The following PXDNL variants were observed in gnomAD, a reference collection of about 807,000 sequenced individuals.
PXDNL encodes probable oxidoreductase PXDNL.
In PXDNL, 145 loss-of-function variants were observed where a neutral mutation model predicts 150.8. The ratio of observed to expected loss-of-function variants is 0.96; its 90% confidence interval spans 0.84 to 1.10. The LOEUF is 1.10. Ranked by LOEUF, PXDNL falls within the 50% of genes least tolerant of loss-of-function variation. The probability of loss-of-function intolerance (pLI) is 0.00; values close to 1 mark genes in which losing one functional copy is unlikely to be tolerated. For synonymous variants in PXDNL, 757 were observed against 725.7 expected (o/e 1.04, Z -0.69); for missense variants, 2,087 against 1,873.9 (o/e 1.11, Z -2.10).
intron 1 of PXDNL, among the ~76,000 whole-genome samples, chr8:51,668,038 A>C (rs1815421857): frequency 6.6e-6 from 1 of 152,134 alleles, no homozygotes; most frequent in Non-Finnish European, 1.5e-5. Flanking sequence ...ACAGGTGAGG[A>C]ATTCTTGTAC....
At chr8:51,781,984 T>C (rs2037419990) in intron 1 of PXDNL, among the ~76,000 whole-genome samples, 1 of 152,170 alleles carries the variant, frequency 6.6e-6, no homozygotes, top group Admixed American at 6.5e-5. Flanking sequence ...CCTCACCACA[T>C]GTGTTCAAAT....
intron 17 of PXDNL, among the ~76,000 whole-genome samples, chr8:51,399,970 AT>A (rs1808198505): frequency 6.6e-6 from 1 of 152,226 alleles, no homozygotes; most frequent in Non-Finnish European, 1.5e-5. Flanking sequence ...AATGGTAAAG[AT>A]TTCTTCAGTT....
chr8:51,575,779 G>GA (rs2130606589), intron 3 of PXDNL, among the ~76,000 whole-genome samples: 1 of 151,956 alleles, frequency 6.6e-6, no homozygotes, highest in African/African-American at 2.4e-5. Context: ...CTGTCTATAA[G>GA]AAAAATGAGT....
chr8:51,426,686 T>C lies in PXDNL; in HGVS notation c.1598A>G (p.His533Arg). The change falls in exon 13 of 23, where the codon CAT becomes CGT. Residue 533 changes from histidine (H) to arginine (R), a missense_variant. His to Arg is a conservative substitution (Grantham distance 29). Transcript: ENST00000356297. ...EVGKNINISC[H>R]AQGEPQPIIT... ...TATGGGCTGTGGTTCTCCTTGAGCA[T>C]GACATGAAATGTTTATATTCTTTCC... 6.2e-7 allele frequency: 1 copy of C among 1,608,312 alleles called. No individual in the cohort carries two copies. The highest frequency in any genetic ancestry group is 8.5e-7 in the Non-Finnish European group (1 of 1,176,482).
chr8:51,339,973 A>G (rs1322430294), intron 20 of PXDNL: 1 of 380,046 alleles, frequency 2.6e-6, no homozygotes, highest in Admixed American at 4.3e-5. Context: ...CATGTAATTT[A>G]TCTAAAATAA....
chr8:51,435,245 C>T (rs531252336), intron 12 of PXDNL, among the ~76,000 whole-genome samples: 10 of 151,924 alleles, frequency 6.6e-5, no homozygotes, highest in Non-Finnish European at 1.3e-4. Context: ...CACTTGAACC[C>T]GGGAAGTGAA....
At chr8:51,495,826 G>T (rs891552467) in intron 5 of PXDNL, among the ~76,000 whole-genome samples, 1 of 152,036 alleles carries the variant, frequency 6.6e-6, no homozygotes, top group South Asian at 2.1e-4. Context: ...ACCAGAAGGA[G>T]TCACAGCCAA....
chr8:51,706,834 CAG>C (rs1446485207), intron 1 of PXDNL, among the ~76,000 whole-genome samples: 1 of 152,182 alleles, frequency 6.6e-6, no homozygotes, highest in Non-Finnish European at 1.5e-5. Context: ...TTTCCCAACT[CAG>C]TGAATTTCTT....
chr8:51,548,383 T>G (rs964462910), intron 4 of PXDNL, among the ~76,000 whole-genome samples: 1 of 152,160 alleles, frequency 6.6e-6, no homozygotes, highest in Non-Finnish European at 1.5e-5. Flanking sequence ...CCTAGCCACA[T>G]AGTTATCATG....
intron 21 of PXDNL, among the ~76,000 whole-genome samples, chr8:51,321,938 G>T (rs1805329913): frequency 1.4e-5 from 2 of 141,694 alleles, no homozygotes; most frequent in South Asian, 4.3e-4. Context: ...CTATATTTGG[G>T]CATAGGGCCT....
chr8:51,632,748 A>G (rs1814518036), intron 2 of PXDNL, among the ~76,000 whole-genome samples: 1 of 152,242 alleles, frequency 6.6e-6, no homozygotes, highest in African/African-American at 2.4e-5. Flanking sequence ...AAGCTTTAAT[A>G]GATTGAAATA....
In PXDNL at chr8:51,457,959, A is replaced by G. The variant is rs909337532; in HGVS notation, c.813-292T>C. 3.5e-4 allele frequency among the ~76,000 whole-genome samples: 54 copies of G among 152,220 alleles called. 1 individual carries two copies. Among genetic ancestry groups the G allele is most frequent in the Admixed American group, 6.5e-5 (1 of 15,282 alleles). On this transcript the variant is annotated intron_variant, in intron 8 of 22. Transcript: ENST00000356297. Reference sequence around the variant, plus strand: ...TTTAGACACTGAAGCAAGCGCTCCCATATGACAGACACTTCAGCACATTTT... The same window carrying G: ...TTTAGACACTGAAGCAAGCGCTCCCGTATGACAGACACTTCAGCACATTTT...
At chr8:51,493,922 A>G (rs1376125390) in intron 5 of PXDNL, among the ~76,000 whole-genome samples, 6 of 152,208 alleles carry the variant, frequency 3.9e-5, no homozygotes, top group Non-Finnish European at 8.8e-5. Context: ...TTCAGGAAAT[A>G]CAGAGAACGC....
chr8:51,777,012 T>C (rs1351137800), intron 1 of PXDNL, among the ~76,000 whole-genome samples: 1 of 152,188 alleles, frequency 6.6e-6, no homozygotes, highest in African/African-American at 2.4e-5. Context: ...AAAGTCCAGA[T>C]TCAAACTTCC....
chr8:51,423,523 G>C (rs1351588090), intron 14 of PXDNL, 52 bp downstream of exon 14: 1 of 1,510,966 alleles, frequency 6.6e-7, no homozygotes. Context: ...TGGGGTAGAA[G>C]CTGTTCAAAG....
At chr8:51,578,412 A>T (rs1019012657) in intron 3 of PXDNL, among the ~76,000 whole-genome samples, 2 of 151,964 alleles carry the variant, frequency 1.3e-5, no homozygotes, top group Non-Finnish European at 2.9e-5. Context: ...CTAGGTATAA[A>T]CCTACCAAAA....
chr8:51,329,858 G>A (rs530859269), intron 21 of PXDNL, among the ~76,000 whole-genome samples: 1 of 152,164 alleles, frequency 6.6e-6, no homozygotes, highest in African/African-American at 2.4e-5. Flanking sequence ...TTGGATCCAT[G>A]TTTATGGAGA....
chr8:51,628,671 G>A (rs1221204376), intron 2 of PXDNL, among the ~76,000 whole-genome samples: 1 of 151,556 alleles, frequency 6.6e-6, no homozygotes, highest in African/African-American at 2.4e-5. Flanking sequence ...TCAAAGTGCT[G>A]GGATTACAGA....
intron 1 of PXDNL, among the ~76,000 whole-genome samples, chr8:51,807,365 C>T (rs924199935): frequency 3.3e-5 from 5 of 149,562 alleles, no homozygotes; most frequent in East Asian, 3.9e-4. Context: ...ACCTCACTCT[C>T]GCCATGACAA....
Sources: gnomAD v4.1 joint callset for allele counts (sites outside exome capture counted in the v4.1 genomes callset) on GRCh38, gnomAD v4.1.1 for gene constraint, MANE v1.5 for transcripts, NCBI Gene and HGNC (gene_info 2026-07-23, HGNC 2026-07-21) for gene names.